The following PLCG2 variants were observed in gnomAD, a reference collection of about 807,000 sequenced individuals.
PLCG2 encodes 1-phosphatidylinositol 4,5-bisphosphate phosphodiesterase gamma-2.
Under a neutral mutation model 175.6 loss-of-function variants are expected in PLCG2, and 69 were observed. That is an observed-to-expected ratio of 0.39 (90% CI 0.32 to 0.48). PLCG2 has a LOEUF of 0.48. Among genes scored for constraint, PLCG2 ranks in the 20% least tolerant of loss-of-function variants. PLCG2 has a pLI of 0.91. For synonymous variants in PLCG2, 827 were observed against 624.0 expected (o/e 1.33, Z -4.85); for missense variants, 1,798 against 1,650.9 (o/e 1.09, Z -1.54).
chr16:81,895,597 C>A, intron 12 of PLCG2: 2 of 482,870 alleles, frequency 4.1e-6, no homozygotes, highest in Non-Finnish European at 7.4e-6. Context: ...AGCATTGAAA[C>A]TAGCTTGTCT....
intron 1 of PLCG2, among the ~76,000 whole-genome samples, chr16:81,750,226 G>T (rs534410698): frequency 6.6e-6 from 1 of 152,090 alleles, no homozygotes; most frequent in South Asian, 2.1e-4. Flanking sequence ...TGGCCAACAT[G>T]GTGAAATTCC....
At chr16:81,864,867 G>A (rs1157397258) in intron 5 of PLCG2, among the ~76,000 whole-genome samples, 1 of 152,190 alleles carries the variant, frequency 6.6e-6, no homozygotes, top group Non-Finnish European at 1.5e-5. Context: ...GTTCAGTGCT[G>A]TCTGCCATGG....
intron 5 of PLCG2, among the ~76,000 whole-genome samples, chr16:81,864,213 G>A (rs1699905236): frequency 6.6e-6 from 1 of 152,142 alleles, no homozygotes; most frequent in African/African-American, 2.4e-5. Context: ...TCAAGAATTT[G>A]CATTTCAACC....
At chr16:81,755,357 T>C (rs923593336) in intron 1 of PLCG2, among the ~76,000 whole-genome samples, 3 of 138,482 alleles carry the variant, frequency 2.2e-5, no homozygotes, top group Non-Finnish European at 4.7e-5. Flanking sequence ...CCACCATGCC[T>C]GGCTAATTTT....
At chr16:81,855,628 G>A (rs1471021084) in intron 3 of PLCG2, among the ~76,000 whole-genome samples, 1 of 152,204 alleles carries the variant, frequency 6.6e-6, no homozygotes, top group Non-Finnish European at 1.5e-5. Flanking sequence ...GCTCTCAGTC[G>A]ACTTGGGGAG....
chr16:81,848,994 C>T (rs533194667), intron 2 of PLCG2, among the ~76,000 whole-genome samples: 2 of 152,270 alleles, frequency 1.3e-5, no homozygotes, highest in African/African-American at 4.8e-5. Context: ...GTGCCAACAA[C>T]ACCACTAATG....
At chr16:81,858,089 A>C in intron 3 of PLCG2, 174 bp from the exon 4 acceptor site, 1 of 590,030 alleles carries the variant, frequency 1.7e-6, no homozygotes, top group Non-Finnish European at 3.1e-6. Flanking sequence ...TCTCAGACAA[A>C]AAGCAGGTCC....
chr16:81,865,652 G>T (rs984608686), intron 5 of PLCG2, among the ~76,000 whole-genome samples: 9 of 152,162 alleles, frequency 5.9e-5, no homozygotes, highest in African/African-American at 2.2e-4. Context: ...CTCCTGGGGG[G>T]CCCTGGCCTC....
intron 2 of PLCG2, among the ~76,000 whole-genome samples, chr16:81,761,621 A>G (rs1910043348): frequency 6.6e-6 from 1 of 152,144 alleles, no homozygotes; most frequent in Non-Finnish European, 1.5e-5. Context: ...ATCAAAATAG[A>G]ACACCCCTCA....
chr16:81,810,152 C>T (rs111929204), intron 2 of PLCG2, among the ~76,000 whole-genome samples: 3 of 152,224 alleles, frequency 2.0e-5, no homozygotes, highest in Admixed American at 6.5e-5. Context: ...CCACCACGCC[C>T]AGCTAATTTT....
rs748848626 is a variant in PLCG2 at position 81,893,784 on chromosome 16, C to T, written c.1062C>T (p.Arg354=). Residue 354 remains arginine (R), a synonymous_variant, in exon 12 of 33, where the codon CGC becomes CGT. Transcript: ENST00000564138. ...TCCGCTGCCTGCGCATGGGCTGTCG[C>T]TGCATTGAACGTGAGTAGCTCCTTC... ...AYIRCLRMGC[R]CIELDCWDGP... 2 of 1,608,354 alleles carry T rather than the reference C, an allele frequency of 1.2e-6. No homozygotes were observed.
chr16:81,830,605 G>C (rs1352227664), intron 2 of PLCG2, among the ~76,000 whole-genome samples: 2 of 151,944 alleles, frequency 1.3e-5, no homozygotes, highest in African/African-American at 2.4e-5. Flanking sequence ...CCCATGCCTG[G>C]TAAGACTGTG....
At chr16:81,941,631 G>C (rs1441869697) in intron 30 of PLCG2, among the ~76,000 whole-genome samples, 1 of 149,156 alleles carries the variant, frequency 6.7e-6, no homozygotes, top group African/African-American at 2.5e-5. Flanking sequence ...CAATAATAAT[G>C]AGTATTCATT....
At chr16:81,778,048 A>AACAAAC (rs1567457813), upstream of PLCG2, among the ~76,000 whole-genome samples, 7 of 99,116 alleles carry the variant, frequency 7.1e-5, no homozygotes, top group Admixed American at 1.8e-4. Context: ...AAAAACAAAA[A>AACAAAC]AAAAAACAAA....
At chr16:81,782,082 T>G (rs1424335312) in intron 1 of PLCG2, among the ~76,000 whole-genome samples, 2 of 152,116 alleles carry the variant, frequency 1.3e-5, no homozygotes, top group African/African-American at 4.8e-5. Context: ...TTCATCGTGT[T>G]AGCCAGGATG....
chr16:81,817,631 T>C (rs771207077), intron 2 of PLCG2, among the ~76,000 whole-genome samples: 12 of 152,168 alleles, frequency 7.9e-5, no homozygotes, highest in Non-Finnish European at 1.6e-4. Flanking sequence ...TACCTTGTGA[T>C]TATTTTATTT....
intron 2 of PLCG2, among the ~76,000 whole-genome samples, chr16:81,804,431 C>T (rs1418365288): frequency 3.9e-5 from 6 of 152,150 alleles, no homozygotes; most frequent in East Asian, 1.9e-4. Flanking sequence ...CTGACTAGGG[C>T]GTAAATGAAT....
chr16:81,832,158 C>T (rs1385452375), intron 2 of PLCG2, among the ~76,000 whole-genome samples: 2 of 152,026 alleles, frequency 1.3e-5, no homozygotes, highest in African/African-American at 4.8e-5. Flanking sequence ...TGAGGAAATG[C>T]ACATAAAGCC....
intron 2 of PLCG2, among the ~76,000 whole-genome samples, chr16:81,770,824 C>T (rs868748417): frequency 4.6e-5 from 7 of 152,028 alleles, no homozygotes; most frequent in East Asian, 1.9e-4. Flanking sequence ...TTTGCGGGGC[C>T]GAGGCGGGCG....
Sources: allele counts gnomAD v4.1 joint callset (sites outside exome capture counted in the v4.1 genomes callset), GRCh38; gene constraint gnomAD v4.1.1; transcripts MANE v1.5; gene names NCBI Gene and HGNC (gene_info 2026-07-23, HGNC 2026-07-21).